Variants in RIT2 observed in about 807,000 individuals in gnomAD.
RIT2 encodes the protein Ras like without CAAX 2.
RIT2 carries 24 observed loss-of-function variants against 23.7 expected under a neutral mutation model. That is an observed-to-expected ratio of 1.01 (90% confidence interval 0.73 to 1.43). RIT2 has a LOEUF of 1.43. RIT2 is among the 40% of genes most tolerant of loss of function. The probability of loss-of-function intolerance (pLI) is 0.00; values close to 1 mark genes in which losing one functional copy is unlikely to be tolerated. For missense variants in RIT2, 236 were observed against 266.9 expected (o/e 0.88, Z 0.81); for synonymous variants, 107 against 91.1 (o/e 1.17, Z -0.99).
At chr18:42,999,576 C>A (rs1598743683) in intron 2 of RIT2, among the ~76,000 whole-genome samples, 1 of 152,106 alleles carries the variant, frequency 6.6e-6, no homozygotes, top group East Asian at 1.9e-4. Flanking sequence ...TCCAACTTGG[C>A]AAATTAACTG....
chr18:42,760,867 A>G (rs1470671320), intron 4 of RIT2, among the ~76,000 whole-genome samples: 1 of 152,072 alleles, frequency 6.6e-6, no homozygotes, highest in Non-Finnish European at 1.5e-5. Flanking sequence ...GAGAAGTTTG[A>G]TTCTTGTTTT....
chr18:42,954,381 A>C (rs1418753748), intron 3 of RIT2, among the ~76,000 whole-genome samples: 1 of 151,902 alleles, frequency 6.6e-6, no homozygotes, highest in Non-Finnish European at 1.5e-5. Flanking sequence ...ACTCAAAAAA[A>C]AAAAAAAAAA....
At chr18:42,950,414 A>G (rs1202850412) in intron 3 of RIT2, among the ~76,000 whole-genome samples, 2 of 152,142 alleles carry the variant, frequency 1.3e-5, no homozygotes, top group African/African-American at 4.8e-5. Flanking sequence ...AAAGATTTAA[A>G]TGTAAGACCT....
intron 3 of RIT2, among the ~76,000 whole-genome samples, chr18:42,937,601 A>T (rs1909492441): frequency 6.6e-6 from 1 of 152,182 alleles, no homozygotes; most frequent in Non-Finnish European, 1.5e-5. Flanking sequence ...AAAGCATCAA[A>T]TGCAACTGCA....
At chr18:42,978,131 G>GGGGCAC (rs1910514822) in intron 2 of RIT2, among the ~76,000 whole-genome samples, 1 of 151,948 alleles carries the variant, frequency 6.6e-6, no homozygotes, top group South Asian at 2.1e-4. Context: ...GCTGAGGCCA[G>GGGGCAC]GGGCACGCTG....
At chr18:43,016,309 C>A (rs1445761441) in intron 2 of RIT2, among the ~76,000 whole-genome samples, 1 of 151,698 alleles carries the variant, frequency 6.6e-6, no homozygotes, top group African/African-American at 2.4e-5. Context: ...TGGTGTGGTG[C>A]TTGATAGGTT....
At chr18:43,111,480 G>A (rs933368053) in intron 1 of RIT2, among the ~76,000 whole-genome samples, 5 of 151,470 alleles carry the variant, frequency 3.3e-5, no homozygotes, top group African/African-American at 1.2e-4. Flanking sequence ...AATGATGAAT[G>A]TTTGAGGTGA....
chr18:43,031,333 T>C (rs1170470803), intron 2 of RIT2, among the ~76,000 whole-genome samples: 1 of 151,292 alleles, frequency 6.6e-6, no homozygotes, highest in Non-Finnish European at 1.5e-5. Flanking sequence ...TCACTCACAC[T>C]AGATGCCACA....
intron 3 of RIT2, among the ~76,000 whole-genome samples, chr18:42,926,356 T>C (rs1002261809): frequency 6.6e-6 from 1 of 151,990 alleles, no homozygotes; most frequent in East Asian, 1.9e-4. Flanking sequence ...TATTCATTTA[T>C]ATGTTGTCTT....
intron 4 of RIT2, among the ~76,000 whole-genome samples, chr18:42,918,857 G>A (rs527993422): frequency 4.6e-5 from 7 of 152,068 alleles, no homozygotes; most frequent in South Asian, 2.1e-4. Context: ...TAAAATAACC[G>A]TCACCATTCA....
chr18:42,902,689 G>T (rs1342516844), intron 4 of RIT2, among the ~76,000 whole-genome samples: 1 of 151,664 alleles, frequency 6.6e-6, no homozygotes, highest in Admixed American at 6.6e-5. Flanking sequence ...AAATAAATAT[G>T]TTTGTGGAAA....
At chr18:43,059,406 C>A (rs529101303) in intron 1 of RIT2, among the ~76,000 whole-genome samples, 162 of 152,018 alleles carry the variant, frequency 1.1e-3, no homozygotes, top group Non-Finnish European at 1.9e-3. Context: ...ATTCAAATTA[C>A]AGGGATTTTA....
rs1907791851 is a variant in RIT2, at chr18:42,878,114, A to G, written c.426+45458T>C. ...TACATACACACACATATATATATAT[A>G]TAATATATATACACATATAGTTGAC... On this transcript the variant is annotated intron_variant, in intron 4 of 4. Coordinates refer to ENST00000326695, the MANE Select transcript of RIT2 (RefSeq NM_002930.4). Among the ~76,000 whole-genome samples, 4 of 150,634 alleles carry G rather than the reference A, an allele frequency of 2.7e-5. No homozygotes were observed. In the South Asian group the frequency reaches 8.3e-4, roughly 31 times the overall value.
At chr18:43,023,202 A>G (rs549116166) in intron 2 of RIT2, among the ~76,000 whole-genome samples, 57 of 152,206 alleles carry the variant, frequency 3.7e-4, no homozygotes, top group African/African-American at 1.3e-3. Flanking sequence ...TTCACATAGT[A>G]GATTGGATCA....
chr18:42,877,199 A>G (rs1006935395), intron 4 of RIT2, among the ~76,000 whole-genome samples: 15 of 151,912 alleles, frequency 9.9e-5, no homozygotes, highest in South Asian at 2.1e-4. Context: ...GGTAGAAGAC[A>G]TATGGTTAGG....
At chr18:42,955,379 G>T (rs1429776465) in intron 3 of RIT2, among the ~76,000 whole-genome samples, 1 of 152,164 alleles carries the variant, frequency 6.6e-6, no homozygotes, top group African/African-American at 2.4e-5. Context: ...GCAGAAGCCA[G>T]CTGACCATGG....
intron 4 of RIT2, among the ~76,000 whole-genome samples, chr18:42,856,529 C>T (rs1568013971): frequency 6.6e-6 from 1 of 152,132 alleles, no homozygotes; most frequent in Non-Finnish European, 1.5e-5. Flanking sequence ...AACTAATCTG[C>T]CTTAGGGGGA....
At position 42,844,636 on chromosome 18, in the gene RIT2, G is replaced by A. The variant is rs139041376; in HGVS notation, c.426+78936C>T. ...CTCTCCCCTACTGACTGAGTCTGGG[G>A]TCTTTATAGGCACAGGATAGGCAGG... is the stretch of plus-strand genomic sequence containing the variant. On this transcript the variant is annotated intron_variant, in intron 4 of 4. Transcript: ENST00000326695. Among the ~76,000 whole-genome samples the A allele has an allele frequency of 8.2e-4, 124 of 151,624 alleles. No individual in the cohort carries two copies. In the East Asian group the frequency reaches 0.018, roughly 21 times the overall value.
chr18:42,813,628 C>T (rs1250264885), intron 4 of RIT2, among the ~76,000 whole-genome samples: 1 of 152,030 alleles, frequency 6.6e-6, no homozygotes, highest in Non-Finnish European at 1.5e-5. Flanking sequence ...TTGACAGAAA[C>T]CATTCAGTAA....
Sources: gnomAD v4.1 joint callset for allele counts (sites outside exome capture counted in the v4.1 genomes callset) on GRCh38, gnomAD v4.1.1 for gene constraint, MANE v1.5 for transcripts, NCBI Gene and HGNC (gene_info 2026-07-23, HGNC 2026-07-21) for gene names.